ARHGEF17: variants seen among roughly 807,000 people sequenced by gnomAD.
ARHGEF17 encodes the protein Rho guanine nucleotide exchange factor 17.
In ARHGEF17, 80 loss-of-function variants were observed where a neutral mutation model predicts 174.0. That is an observed-to-expected ratio of 0.46 (90% CI 0.38 to 0.55). The LOEUF is 0.55. Among genes scored for constraint, ARHGEF17 ranks in the 20% least tolerant of loss-of-function variants. The pLI is 0.00. For synonymous variants in ARHGEF17, 1,311 were observed against 1,189.1 expected, an observed-to-expected ratio of 1.10 and a Z score of -2.11; for missense variants, 2,886 against 2,839.7, an observed-to-expected ratio of 1.02 and a Z score of -0.37.
chr11:73,363,076 C>A, intron 14 of ARHGEF17, 130 bp from the exon 15 acceptor site: 1 of 1,282,744 alleles, frequency 7.8e-7, no homozygotes, highest in Non-Finnish European at 1.1e-6. Context: ...CAGACCGGAG[C>A]AGGCCGGGGA....
At chr11:73,329,610 C>T (rs1457411521) in intron 1 of ARHGEF17, among the ~76,000 whole-genome samples, 3 of 151,412 alleles carry the variant, frequency 2.0e-5, no homozygotes, top group East Asian at 1.9e-4. Context: ...ATGTTGGCCT[C>T]GCTGGCCTTG....
chr11:73,363,271 C>T lies in ARHGEF17; in HGVS notation c.5062C>T (p.Pro1688Ser), dbSNP rs1726383839. 1 of 1,610,296 alleles carries T rather than the reference C, an allele frequency of 6.2e-7. No homozygotes were observed. Among genetic ancestry groups the T allele is most frequent in the South Asian group, 1.1e-5 (1 of 90,946 alleles). The change falls in exon 15 of 21, where the codon CCA becomes TCA. Residue 1688 changes from proline (P) to serine (S), a missense_variant. Coordinates refer to ENST00000263674, the MANE Select transcript of ARHGEF17 (RefSeq NM_014786.4). Reference sequence around the variant, plus strand: ...CACCAGCTCAGAGGAGGAGCAGGAGCCAGGCTTCCTGCCACTGTCTGGCTC... The same window carrying T: ...CACCAGCTCAGAGGAGGAGCAGGAGTCAGGCTTCCTGCCACTGTCTGGCTC... ...ETTSSEEEQE[P>S]GFLPLSGSFG...
chr11:73,366,455 G>A lies in ARHGEF17; in HGVS notation c.5995+508G>A, dbSNP rs528164559. Among the ~76,000 whole-genome samples the A allele has an allele frequency of 7.2e-5, 11 of 152,284 alleles. No homozygotes were observed. The South Asian group carries it at 1.0e-3, about 14-fold the overall frequency. On this transcript the variant is annotated intron_variant, in intron 20 of 20. Transcript: ENST00000263674. ...AAAGTGAAACAGCCGGGTGCCAGGC[G>A]CGGTGGCTCACACCTGTAATCCCAG... is the stretch of plus-strand genomic sequence containing the variant.
intron 7 of ARHGEF17, 120 bp from the exon 8 acceptor site, chr11:73,356,905 G>A: frequency 6.8e-7 from 1 of 1,479,512 alleles, no homozygotes; most frequent in Non-Finnish European, 9.3e-7. Flanking sequence ...TGACTCTCTG[G>A]GAAGCTGGGG....
rs768923675 is a variant in ARHGEF17 at position 73,363,828 on chromosome 11, C to T, written c.5328C>T (p.Cys1776=). ...MKLQHAASVT[C]ILYLNNQVFV... ...TCCAGCATGCGGCCTCTGTGACCTGCATCTTGTAAGGCCCCAGGGTGGCCC... is the reference window on the plus strand; with the variant it reads ...TCCAGCATGCGGCCTCTGTGACCTGTATCTTGTAAGGCCCCAGGGTGGCCC... The change falls in exon 16 of 21, where the codon TGC becomes TGT. Residue 1776 remains cysteine, a synonymous_variant. Transcript: ENST00000263674. 5.0e-6 allele frequency: 8 copies of T among 1,613,902 alleles called. No individual in the cohort carries two copies. The Admixed American group carries it at 1.2e-4, about 24-fold the overall frequency.
intron 1 of ARHGEF17, among the ~76,000 whole-genome samples, chr11:73,337,176 A>G (rs1865299174): frequency 6.6e-6 from 1 of 152,216 alleles, no homozygotes; most frequent in African/African-American, 2.4e-5. Context: ...CTATAATCCC[A>G]GCACTTTGGG....
rs570732736 is a variant in ARHGEF17, at chr11:73,345,033, G to C, written c.3193-1850G>C. ...GGCTGAAGCAAGACCATGTCTGTGG[G>C]GTGCTGAGATGTCCCTGGCGTGGGG... On this transcript the variant is annotated intron_variant, in intron 1 of 20. Transcript: ENST00000263674. Among the ~76,000 whole-genome samples the C allele has an allele frequency of 4.6e-5, 7 of 152,308 alleles. No individual in the cohort carries two copies. The South Asian group carries it at 6.2e-4, about 14-fold the overall frequency.
chr11:73,349,154 G>T (rs1472129508), intron 2 of ARHGEF17, among the ~76,000 whole-genome samples: 1 of 152,120 alleles, frequency 6.6e-6, no homozygotes. Flanking sequence ...GGCCTGAGGG[G>T]GTCCTTTGCC....
intron 12 of ARHGEF17, 89 bp from the exon 13 acceptor site, chr11:73,361,951 C>T (rs1313704860): frequency 3.4e-6 from 5 of 1,491,624 alleles, no homozygotes; most frequent in Non-Finnish European, 3.6e-6. Context: ...GGCCTGCCTC[C>T]CTCCATTCTG....
At chr11:73,347,850 G>A (rs1264755881) in intron 2 of ARHGEF17, among the ~76,000 whole-genome samples, 2 of 152,208 alleles carry the variant, frequency 1.3e-5, no homozygotes, top group African/African-American at 4.8e-5. Context: ...TTACAGGAAG[G>A]GAGTGCTGGG....
intron 1 of ARHGEF17, among the ~76,000 whole-genome samples, chr11:73,313,206 A>T (rs1234795533): frequency 6.6e-6 from 1 of 151,870 alleles, no homozygotes; most frequent in Non-Finnish European, 1.5e-5. Flanking sequence ...GGCTGCAGAG[A>T]GAGCAGGCAG....
chr11:73,325,314 G>A (rs1252190008), intron 1 of ARHGEF17, among the ~76,000 whole-genome samples: 2 of 151,960 alleles, frequency 1.3e-5, no homozygotes, highest in Non-Finnish European at 2.9e-5. Context: ...TCATCAGGTC[G>A]CTTCCTGTGT....
intron 16 of ARHGEF17, 43 bp downstream of exon 16, chr11:73,363,876 C>G: frequency 6.3e-7 from 1 of 1,580,954 alleles, no homozygotes; most frequent in Non-Finnish European, 8.7e-7. Flanking sequence ...CTCTTCTCAG[C>G]CACACGTGCA....
chr11:73,320,355 G>T (rs1197462136), intron 1 of ARHGEF17, among the ~76,000 whole-genome samples: 3 of 151,922 alleles, frequency 2.0e-5, no homozygotes, highest in Non-Finnish European at 4.4e-5. Flanking sequence ...TTGTTTTTCG[G>T]CCGGGCGCTG....
chr11:73,360,678 A>G (rs1406125541), intron 11 of ARHGEF17, 145 bp downstream of exon 11: 3 of 817,548 alleles, frequency 3.7e-6, no homozygotes, highest in Middle Eastern at 2.4e-4. Flanking sequence ...GGGCTTCTGC[A>G]GTGAAACATC....
intron 16 of ARHGEF17, 88 bp from the exon 17 acceptor site, chr11:73,364,084 T>C: frequency 8.0e-6 from 11 of 1,378,998 alleles, no homozygotes; most frequent in Non-Finnish European, 1.1e-5. Context: ...TCGGGAGCCA[T>C]ACCCATTCTA....
rs1591766108 is a variant in ARHGEF17 at position 73,365,794 on chromosome 11, A to C, written c.5842A>C (p.Thr1948Pro). The stretch of plus-strand genomic sequence containing the variant: ...TGCTGGTGTCGTCCTCACCATGCCC[A>C]CTTCGCCCGGTACTGTCAGCTGCCC... ...TSAGVVLTMP[T>P]SPGTVSCPRA... Residue 1948 changes from threonine (T) to proline (P), a missense_variant, in exon 20 of 21, where the codon ACT (threonine) becomes CCT (proline). This residue lies in a region of ARHGEF17 where 329 missense variants were observed against 435.2 expected (regional missense o/e 0.76). Coordinates refer to ENST00000263674, the MANE Select transcript of ARHGEF17 (RefSeq NM_014786.4). This position sits in a 1 kb window ranked among gnomAD's most constrained non-coding sequence, Gnocchi z 4.9. 6.2e-7 allele frequency: 1 copy of C among 1,613,630 alleles called. No individual in the cohort carries two copies. Among genetic ancestry groups the C allele is most frequent in the Non-Finnish European group, 8.5e-7 (1 of 1,180,032 alleles).
In ARHGEF17 at chr11:73,352,835, C is replaced by T. The variant is rs369909623; in HGVS notation, c.3276C>T (p.Tyr1092=). 1.3e-5 allele frequency: 21 copies of T among 1,613,798 alleles called. No homozygotes were observed. The highest frequency in any genetic ancestry group is 1.6e-4 in the Middle Eastern group (1 of 6,084). ...VESLRTLMQG[Y]MQPLKQPENS... ...CGACCCTGTGGGTCCTTCAGGGCTA[C>T]ATGCAGCCGCTGAAGCAGCCAGAGA... The change falls in exon 3 of 21, where the codon TAC becomes TAT. Residue 1092 remains tyrosine, a synonymous_variant. Coordinates refer to ENST00000263674, the MANE Select transcript of ARHGEF17 (RefSeq NM_014786.4).
intron 3 of ARHGEF17, chr11:73,353,287 C>T: frequency 2.0e-6 from 1 of 512,608 alleles, no homozygotes; most frequent in Middle Eastern, 5.5e-4. Context: ...CCGCTCCTGG[C>T]TGGCACTGAC....
Sources: allele counts gnomAD v4.1 joint callset (sites outside exome capture counted in the v4.1 genomes callset), GRCh38; gene constraint gnomAD v4.1.1; regional missense constraint gnomAD v4.1.1; non-coding constraint Gnocchi (gnomAD v3.1); transcripts MANE v1.5; gene names NCBI Gene and HGNC (gene_info 2026-07-23, HGNC 2026-07-21).